The following DCHS2 variants were observed in gnomAD, a reference collection of about 807,000 sequenced individuals.
DCHS2 encodes the protein dachsous cadherin-related 2.
DCHS2 carries 142 observed loss-of-function variants against 182.4 expected under a neutral mutation model. The ratio of observed to expected loss-of-function variants is 0.78; its 90% CI spans 0.68 to 0.89. DCHS2 has a LOEUF of 0.89. Ranked by LOEUF, DCHS2 falls within the 40% of genes least tolerant of loss-of-function variation. The pLI is 0.00. For missense variants in DCHS2, 4,319 were observed against 4,198.6 expected, an observed-to-expected ratio of 1.03 and a Z score of -0.79; for synonymous variants, 1,740 against 1,663.3, an observed-to-expected ratio of 1.05 and a Z score of -1.12.
intron 2 of DCHS2, among the ~76,000 whole-genome samples, chr4:154,369,527 T>C (rs1023139155): frequency 6.6e-6 from 1 of 152,206 alleles, no homozygotes; most frequent in Non-Finnish European, 1.5e-5. Flanking sequence ...ATGGAAACTG[T>C]TTCGATAATG....
At chr4:154,290,542 T>C (rs1282757002) in intron 13 of DCHS2, among the ~76,000 whole-genome samples, 1 of 151,478 alleles carries the variant, frequency 6.6e-6, no homozygotes, top group Non-Finnish European at 1.5e-5. Flanking sequence ...CAAATTATAC[T>C]ACAAAACTAT....
chr4:154,234,702 A>G lies in DCHS2; in HGVS notation c.9950T>C (p.Leu3317Pro). 1 of 1,614,050 alleles carries G rather than the reference A, an allele frequency of 6.2e-7. No homozygotes were observed. Among genetic ancestry groups the G allele is most frequent in the Middle Eastern group, 1.7e-4 (1 of 6,058 alleles). The change falls in exon 20 of 20, where the codon CTT (leucine) becomes CCT (proline). Residue 3317 changes from leucine (L) to proline (P), a missense_variant. Coordinates refer to ENST00000357232, the MANE Select transcript of DCHS2 (RefSeq NM_001358235.2). ...KHPRSPIPYH[L>P]GSLPEGMTPN... ...AGTCATGCCTTCTGGCAGAGAACCA[A>G]GATGGTAGGGGATGGGAGAGCGTGG...
chr4:154,236,868 T>G lies in DCHS2; in HGVS notation c.7784A>C (p.Gln2595Pro). The change falls in exon 20 of 20, where the codon CAG becomes CCG. Residue 2595 changes from glutamine to proline, a missense_variant. Gln to Pro is a moderately conservative substitution (Grantham distance 76). Coordinates refer to ENST00000357232, the MANE Select transcript of DCHS2 (RefSeq NM_001358235.2). ...VEYSIISGNS[Q>P]NNFHVETKFF... ...CTTAGTTTCCACATGAAAATTGTTCTGTGAATTACCACTGATGATGGAATA... is the reference window on the plus strand; with the variant it reads ...CTTAGTTTCCACATGAAAATTGTTCGGTGAATTACCACTGATGATGGAATA... 6.2e-7 allele frequency: 1 copy of G among 1,614,116 alleles called. No individual in the cohort carries two copies. Among genetic ancestry groups the G allele is most frequent in the African/African-American group, 1.3e-5 (1 of 75,060 alleles).
At chr4:154,259,205 G>A (rs953665074) in intron 15 of DCHS2, among the ~76,000 whole-genome samples, 2 of 152,040 alleles carry the variant, frequency 1.3e-5, no homozygotes, top group African/African-American at 4.8e-5. Context: ...TCCTTCAGGA[G>A]GAGGCTGTGT....
chr4:154,449,681 T>G (rs550671937), intron 1 of DCHS2, among the ~76,000 whole-genome samples: 2 of 152,276 alleles, frequency 1.3e-5, no homozygotes, highest in South Asian at 4.2e-4. Flanking sequence ...CCAATCTTTA[T>G]TTTCTCTCAA....
intron 11 of DCHS2, 83 bp downstream of exon 11, chr4:154,305,014 A>G (rs917751587): frequency 4.5e-5 from 68 of 1,507,018 alleles, no homozygotes; most frequent in Non-Finnish European, 5.2e-5. Flanking sequence ...CCCCAACAAA[A>G]TATAACATTT....
intron 13 of DCHS2, among the ~76,000 whole-genome samples, chr4:154,278,078 A>C (rs940716027): frequency 6.6e-5 from 10 of 152,004 alleles, no homozygotes; most frequent in African/African-American, 2.4e-4. Flanking sequence ...ATTACACAGA[A>C]ACTCAATGCA....
At chr4:154,355,141 T>C (rs1729801552) in intron 3 of DCHS2, among the ~76,000 whole-genome samples, 3 of 152,052 alleles carry the variant, frequency 2.0e-5, no homozygotes, top group Admixed American at 1.3e-4. Context: ...AGGTTAGGCA[T>C]TCTTAGTCAC....
chr4:154,349,192 A>T (rs1412785130), intron 3 of DCHS2, among the ~76,000 whole-genome samples: 1 of 151,172 alleles, frequency 6.6e-6, no homozygotes, highest in East Asian at 1.9e-4. Flanking sequence ...GGCTGGCTTT[A>T]TAGACAGAAA....
intron 13 of DCHS2, among the ~76,000 whole-genome samples, chr4:154,271,422 A>G (rs1733585580): frequency 6.6e-6 from 1 of 152,184 alleles, no homozygotes; most frequent in African/African-American, 2.4e-5. Flanking sequence ...ATAAAACTTT[A>G]TTTACCAAAA....
intron 2 of DCHS2, among the ~76,000 whole-genome samples, chr4:154,369,381 G>T (rs28594194): frequency 0.018 from 2,815 of 152,276 alleles, 84 homozygotes; most frequent in African/African-American, 0.061. Flanking sequence ...GCCCCAGAAT[G>T]CTCTTTGAAA....
intron 3 of DCHS2, among the ~76,000 whole-genome samples, chr4:154,344,339 A>C (rs34245580): frequency 6.6e-6 from 1 of 152,336 alleles, no homozygotes; most frequent in Admixed American, 6.5e-5. Context: ...TAAAAAGCAC[A>C]CTATCTGTGA....
chr4:154,283,009 T>C (rs1324790082), intron 13 of DCHS2, among the ~76,000 whole-genome samples: 1 of 152,104 alleles, frequency 6.6e-6, no homozygotes, highest in Non-Finnish European at 1.5e-5. Flanking sequence ...TGGCATTTGC[T>C]AAGGGTTGGT....
chr4:154,286,155 G>T (rs1243460052), intron 13 of DCHS2, among the ~76,000 whole-genome samples: 1 of 152,152 alleles, frequency 6.6e-6, no homozygotes, highest in African/African-American at 2.4e-5. Context: ...CCCTAATGCA[G>T]ATATGACTGC....
intron 6 of DCHS2, 116 bp downstream of exon 6, chr4:154,329,407 A>G (rs1736419681): frequency 2.8e-6 from 3 of 1,065,470 alleles, no homozygotes; most frequent in Admixed American, 5.4e-5. Flanking sequence ...TTCTAGAAAA[A>G]GTATGCTTTG....
chr4:154,331,799 C>G, intron 5 of DCHS2: 1 of 1,435,778 alleles, frequency 7.0e-7, no homozygotes, highest in Non-Finnish European at 9.3e-7. Flanking sequence ...TCAGTTTTCC[C>G]GGGTATGTAT....
At chr4:154,266,168 T>C (rs1012781404) in intron 14 of DCHS2, among the ~76,000 whole-genome samples, 1 of 152,156 alleles carries the variant, frequency 6.6e-6, no homozygotes, top group African/African-American at 2.4e-5. Context: ...CACTGTGACA[T>C]AGCAGTAGGC....
chr4:154,443,153 C>T (rs986495834), intron 1 of DCHS2, among the ~76,000 whole-genome samples: 3 of 152,062 alleles, frequency 2.0e-5, no homozygotes, highest in African/African-American at 7.2e-5. Context: ...TTAAAGTCAC[C>T]CCCATGCCCA....
At chr4:154,401,252 C>A (rs562517393) in intron 1 of DCHS2, among the ~76,000 whole-genome samples, 7 of 152,184 alleles carry the variant, frequency 4.6e-5, no homozygotes, top group Non-Finnish European at 8.8e-5. Flanking sequence ...TAACTCTATA[C>A]ACCATAATTT....
Sources: allele counts gnomAD v4.1 joint callset (sites outside exome capture counted in the v4.1 genomes callset), GRCh38; gene constraint gnomAD v4.1.1; transcripts MANE v1.5; gene names NCBI Gene and HGNC (gene_info 2026-07-23, HGNC 2026-07-21).